The following IL1RAPL1 variants were observed in gnomAD, a reference collection of about 807,000 sequenced individuals.
IL1RAPL1 encodes interleukin-1 receptor accessory protein-like 1.
IL1RAPL1 carries 3 observed loss-of-function variants against 48.4 expected under a neutral mutation model. That is an observed-to-expected ratio of 0.06 (90% CI 0.03 to 0.16). The LOEUF (loss-of-function observed/expected upper bound fraction) is 0.16. Among genes scored for constraint, IL1RAPL1 ranks in the 10% least tolerant of loss-of-function variants. The pLI is 1.00. For missense variants in IL1RAPL1, 349 were observed against 530.6 expected, an observed-to-expected ratio of 0.66 and a Z score of 3.36; for synonymous variants, 185 against 187.7, an observed-to-expected ratio of 0.99 and a Z score of 0.12.
intron 1 of IL1RAPL1, among the ~76,000 whole-genome samples, chrX:28,655,460 A>T: frequency 9.0e-6 from 1 of 111,591 alleles, no homozygotes; most frequent in Non-Finnish European, 1.9e-5. Flanking sequence ...CAAATATTAC[A>T]TATCCTATTC....
chrX:29,198,990 C>G (rs1011085654), intron 2 of IL1RAPL1, among the ~76,000 whole-genome samples: 5 of 111,569 alleles, frequency 4.5e-5, no homozygotes, highest in African/African-American at 9.8e-5. Context: ...GAAATTTTGG[C>G]TGCATTCGGG....
chrX:29,847,194 T>C (rs1931267782), intron 6 of IL1RAPL1, among the ~76,000 whole-genome samples: 1 of 111,989 alleles, frequency 8.9e-6, no homozygotes, highest in South Asian at 3.7e-4. Context: ...AGCAGAGGAA[T>C]GGTCAATGTT....
At chrX:28,863,261 G>T (rs191159568) in intron 2 of IL1RAPL1, among the ~76,000 whole-genome samples, 1 of 110,754 alleles carries the variant, frequency 9.0e-6, no homozygotes. Context: ...GTTTGGCTTT[G>T]CAGGCCGCAT....
intron 5 of IL1RAPL1, among the ~76,000 whole-genome samples, chrX:29,597,620 T>A (rs1396740368): frequency 8.9e-6 from 1 of 112,370 alleles, no homozygotes; most frequent in Admixed American, 9.4e-5. Flanking sequence ...ATAGGATTGG[T>A]ATTCATTCTT....
At chrX:29,129,505 A>G (rs1928972315) in intron 2 of IL1RAPL1, among the ~76,000 whole-genome samples, 1 of 109,906 alleles carries the variant, frequency 9.1e-6, no homozygotes, top group East Asian at 2.8e-4. Context: ...TTTTATCTCT[A>G]TATTGTGAGA....
intron 3 of IL1RAPL1, among the ~76,000 whole-genome samples, chrX:29,289,544 A>G (rs1005688314): frequency 2.7e-5 from 3 of 112,049 alleles, no homozygotes; most frequent in Non-Finnish European, 5.6e-5. Flanking sequence ...GATTGTGTTT[A>G]GCTATTATAG....
intron 6 of IL1RAPL1, among the ~76,000 whole-genome samples, chrX:29,778,175 A>T (rs749449410): frequency 9.0e-6 from 1 of 111,615 alleles, no homozygotes; most frequent in South Asian, 3.7e-4. Flanking sequence ...TAGTTTGAAA[A>T]CACACAGATG....
intron 2 of IL1RAPL1, among the ~76,000 whole-genome samples, chrX:28,817,870 T>C (rs961467439): frequency 4.5e-5 from 5 of 110,811 alleles, no homozygotes; most frequent in African/African-American, 1.3e-4. Flanking sequence ...ACTGGCAAGC[T>C]CTTTTCTGTT....
chrX:28,644,683 GA>G (rs936080548), intron 1 of IL1RAPL1, among the ~76,000 whole-genome samples: 1 of 107,670 alleles, frequency 9.3e-6, no homozygotes. Context: ...TTCTTAAACT[GA>G]AAAAAAAAAT....
intron 2 of IL1RAPL1, among the ~76,000 whole-genome samples, chrX:29,249,572 A>T (rs778237823): frequency 9.0e-6 from 1 of 111,588 alleles, no homozygotes; most frequent in South Asian, 3.6e-4. Flanking sequence ...TTTATTTTCA[A>T]TTTTTTTCCT....
chrX:29,087,706 C>T (rs1927985142), intron 2 of IL1RAPL1, among the ~76,000 whole-genome samples: 1 of 111,850 alleles, frequency 8.9e-6, no homozygotes, highest in South Asian at 3.7e-4. Context: ...ATAAAATAAT[C>T]AGTTATATCA....
intron 5 of IL1RAPL1, among the ~76,000 whole-genome samples, chrX:29,600,263 A>G (rs746296178): frequency 8.9e-6 from 1 of 111,882 alleles, no homozygotes; most frequent in South Asian, 3.8e-4. Context: ...AAGCTTCCTG[A>G]GAGCCAAACT....
At chrX:28,957,291 GA>G (rs1215354472) in intron 2 of IL1RAPL1, among the ~76,000 whole-genome samples, 9 of 110,919 alleles carry the variant, frequency 8.1e-5, no homozygotes, top group East Asian at 2.8e-4. Context: ...AATAATAAAA[GA>G]AAAAAAATTA....
chrX:28,613,953 T>G (rs1339481009), intron 1 of IL1RAPL1, among the ~76,000 whole-genome samples: 1 of 111,752 alleles, frequency 8.9e-6, no homozygotes, highest in East Asian at 2.8e-4. Context: ...GAAATTTTCT[T>G]TAGCTCCCAA....
At chrX:29,153,984 TTTGCTTTTC>T (rs1479193527) in intron 2 of IL1RAPL1, among the ~76,000 whole-genome samples, 1 of 112,223 alleles carries the variant, frequency 8.9e-6, no homozygotes, top group Non-Finnish European at 1.9e-5. Flanking sequence ...CTACGAGCTC[TTTGCTTTTC>T]TTGCGAAGTG....
intron 6 of IL1RAPL1, among the ~76,000 whole-genome samples, chrX:29,740,974 A>T (rs1301970599): frequency 9.2e-6 from 1 of 108,557 alleles, no homozygotes; most frequent in Non-Finnish European, 2.0e-5. Context: ...ATTCTGGATG[A>T]GTAATGGCAG....
intron 5 of IL1RAPL1, among the ~76,000 whole-genome samples, chrX:29,658,114 T>C (rs1003923054): frequency 8.9e-6 from 1 of 112,046 alleles, no homozygotes; most frequent in Admixed American, 9.5e-5. Flanking sequence ...AAAAGTGAAA[T>C]TTAAAAATAT....
intron 2 of IL1RAPL1, among the ~76,000 whole-genome samples, chrX:29,195,445 G>A (rs1037313167): frequency 2.7e-5 from 3 of 111,653 alleles, no homozygotes; most frequent in African/African-American, 9.8e-5. Flanking sequence ...TTTGAATTGG[G>A]AGGATTGTGG....
intron 5 of IL1RAPL1, among the ~76,000 whole-genome samples, chrX:29,574,655 C>T (rs1479065012): frequency 9.0e-6 from 1 of 111,582 alleles, no homozygotes; most frequent in Non-Finnish European, 1.9e-5. Flanking sequence ...TGAGTACTCC[C>T]CAGAAAACAG....
Sources: allele counts gnomAD v4.1 joint callset (sites outside exome capture counted in the v4.1 genomes callset), GRCh38; gene constraint gnomAD v4.1.1; transcripts MANE v1.5; gene names NCBI Gene and HGNC (gene_info 2026-07-23, HGNC 2026-07-21).